Variants in POLD3 observed in about 807,000 individuals in gnomAD.
POLD3 encodes DNA polymerase delta 3, accessory subunit, also known as DNA polymerase delta subunit 3.
Under a neutral mutation model 58.2 loss-of-function variants are expected in POLD3, and 19 were observed. The ratio of observed to expected loss-of-function variants is 0.33; its 90% CI spans 0.23 to 0.48. POLD3 has a LOEUF of 0.48. Among genes scored for constraint, POLD3 ranks in the 20% least tolerant of loss-of-function variants. POLD3 has a pLI of 0.99. For synonymous variants in POLD3, 172 were observed against 193.5 expected (o/e 0.89, Z 0.92); for missense variants, 504 against 545.5 (o/e 0.92, Z 0.76).
At chr11:74,599,258 C>T (rs1436467803) in intron 2 of POLD3, among the ~76,000 whole-genome samples, 13 of 152,146 alleles carry the variant, frequency 8.5e-5, no homozygotes. Context: ...TCTTGAACGT[C>T]TGGACTCAAG....
intron 5 of POLD3, 54 bp from the exon 6 acceptor site, chr11:74,618,483 C>G: frequency 7.5e-7 from 1 of 1,330,942 alleles, no homozygotes; most frequent in Non-Finnish European, 1.0e-6. Context: ...TTTTGTTGAA[C>G]CACCCAAGAA....
intron 5 of POLD3, among the ~76,000 whole-genome samples, chr11:74,617,926 C>A (rs1340368801): frequency 1.3e-5 from 2 of 152,102 alleles, no homozygotes; most frequent in Non-Finnish European, 2.9e-5. Flanking sequence ...ACCATGTTGC[C>A]CAGGCCCATC....
intron 5 of POLD3, among the ~76,000 whole-genome samples, chr11:74,613,607 CA>C (rs922428317): frequency 1.4e-4 from 22 of 152,098 alleles, no homozygotes; most frequent in African/African-American, 5.1e-4. Flanking sequence ...CCTTTAAATT[CA>C]ATGTAATAAT....
At chr11:74,668,870 G>A in exon 5 of POLD3, 1 of 1,052,274 alleles carries the variant, frequency 9.5e-7, no homozygotes, top group South Asian at 1.4e-5. Context: ...AGGATCTGAA[G>A]ATCTCAAGCC....
intron 5 of POLD3, among the ~76,000 whole-genome samples, chr11:74,616,338 A>T (rs1028383424): frequency 6.6e-6 from 1 of 152,224 alleles, no homozygotes; most frequent in African/African-American, 2.4e-5. Context: ...GATCTCACTT[A>T]TGATTTCGTG....
chr11:74,615,647 G>A (rs1392119322), intron 5 of POLD3, among the ~76,000 whole-genome samples: 2 of 152,174 alleles, frequency 1.3e-5, no homozygotes, highest in Non-Finnish European at 2.9e-5. Context: ...TTCTTAAGTT[G>A]AGAATGACTT....
Position 74,642,304 on chromosome 11 carries a change from T to G in POLD3, c.*1538T>G. 1.0e-6 allele frequency: 1 copy of G among 985,324 alleles called. No individual in the cohort carries two copies. Among genetic ancestry groups the G allele is most frequent in the South Asian group, 4.7e-5 (1 of 21,272 alleles). 61.0% of individuals were successfully genotyped at this position (985,324 alleles called of 1,614,324 possible). A position where few individuals can be genotyped will look rare whatever the true frequency, so the allele number is the denominator to read the frequency against. ...GCAAGCTGAGTAAAGGTTGACATATTCCAAAACCCTTCTTTTTAAAAGGAA... is the reference window on the plus strand; with the variant it reads ...GCAAGCTGAGTAAAGGTTGACATATGCCAAAACCCTTCTTTTTAAAAGGAA... On this transcript the variant is annotated 3_prime_UTR_variant, in exon 12 of 12. Coordinates refer to ENST00000263681, the MANE Select transcript of POLD3 (RefSeq NM_006591.3).
chr11:74,649,760 C>T (rs1427861654), intron 4 of POLD3, among the ~76,000 whole-genome samples: 1 of 152,194 alleles, frequency 6.6e-6, no homozygotes, highest in African/African-American at 2.4e-5. Flanking sequence ...GTAATCCCAG[C>T]ACTTTGGGAG....
At chr11:74,594,005 G>A in intron 1 of POLD3, 56 bp from the exon 2 acceptor site, 1 of 886,660 alleles carries the variant, frequency 1.1e-6, no homozygotes, top group Non-Finnish European at 1.9e-6. Flanking sequence ...CTTCGGGACT[G>A]ATGTGCACTC....
At chr11:74,632,915 C>T in intron 9 of POLD3, among the ~76,000 whole-genome samples, 1 of 147,744 alleles carries the variant, frequency 6.8e-6, no homozygotes, top group Non-Finnish European at 1.5e-5. Flanking sequence ...CACACACACA[C>T]ACACACACAC....
intron 8 of POLD3, among the ~76,000 whole-genome samples, chr11:74,625,871 T>TTTGTGTG (rs142784051): frequency 1.4e-5 from 2 of 143,680 alleles, no homozygotes; most frequent in Admixed American, 6.9e-5. Context: ...GTGTGCCTAG[T>TTTGTGTG]TGTGTGTGTG....
intron 6 of POLD3, 22 bp from the exon 7 acceptor site, chr11:74,619,995 T>C (rs746022462): frequency 1.2e-6 from 2 of 1,602,622 alleles, no homozygotes; most frequent in Non-Finnish European, 8.6e-7. Flanking sequence ...CAAAAAATCA[T>C]ATGTGTTTTC....
intron 2 of POLD3, among the ~76,000 whole-genome samples, chr11:74,601,650 T>A (rs2031504228): frequency 1.3e-5 from 2 of 152,230 alleles, no homozygotes; most frequent in Admixed American, 1.3e-4. Flanking sequence ...TAACCAGGCA[T>A]GGTAGCATGC....
At chr11:74,594,142 A>T in intron 2 of POLD3, 26 bp downstream of exon 2, 1 of 1,408,384 alleles carries the variant, frequency 7.1e-7, no homozygotes, top group Non-Finnish European at 1.0e-6. Flanking sequence ...TACCAATTTT[A>T]ATCATATTGG....
downstream of POLD3, among the ~76,000 whole-genome samples, chr11:74,647,508 T>A (rs2033013890): frequency 6.6e-6 from 1 of 152,180 alleles, no homozygotes; most frequent in Non-Finnish European, 1.5e-5. Context: ...AGAACCTAGG[T>A]CTTGAGACTT....
At chr11:74,628,126 T>C (rs961780561) in intron 8 of POLD3, among the ~76,000 whole-genome samples, 1 of 152,156 alleles carries the variant, frequency 6.6e-6, no homozygotes, top group Non-Finnish European at 1.5e-5. Flanking sequence ...ATCTAAATTG[T>C]TGAGTTTATT....
At chr11:74,649,732 G>C (rs950007139) in intron 4 of POLD3, among the ~76,000 whole-genome samples, 5 of 152,124 alleles carry the variant, frequency 3.3e-5, no homozygotes, top group African/African-American at 1.2e-4. Context: ...TTTTGGCCAC[G>C]TGCGGTGGTT....
intron 2 of POLD3, among the ~76,000 whole-genome samples, chr11:74,598,735 G>T (rs958740389): frequency 3.9e-5 from 6 of 152,146 alleles, no homozygotes; most frequent in Non-Finnish European, 7.3e-5. Flanking sequence ...TCACAGCCTG[G>T]TGTCTCCAGG....
chr11:74,626,389 C>A (rs1218397149), intron 8 of POLD3, among the ~76,000 whole-genome samples: 5 of 152,110 alleles, frequency 3.3e-5, no homozygotes, highest in South Asian at 2.1e-4. Context: ...TAATAGATGC[C>A]GTTAACCAGA....
Sources: gnomAD v4.1 joint callset for allele counts (sites outside exome capture counted in the v4.1 genomes callset) on GRCh38, gnomAD v4.1.1 for gene constraint, MANE v1.5 for transcripts, NCBI Gene and HGNC (gene_info 2026-07-23, HGNC 2026-07-21) for gene names.